The following KIF4A variants were observed in gnomAD, a reference collection of about 807,000 sequenced individuals.
KIF4A encodes the protein kinesin family member 4A.
KIF4A carries 7 observed loss-of-function variants against 105.9 expected under a neutral mutation model. The ratio of observed to expected loss-of-function variants is 0.07; its 90% CI spans 0.04 to 0.12. The LOEUF (loss-of-function observed/expected upper bound fraction) is 0.12. KIF4A is among the 10% of genes least tolerant of loss of function. KIF4A has a pLI of 1.00. For missense variants in KIF4A, 558 were observed against 929.2 expected, an observed-to-expected ratio of 0.60 and a Z score of 5.19; for synonymous variants, 281 against 331.3, an observed-to-expected ratio of 0.85 and a Z score of 1.65.
intron 15 of KIF4A, among the ~76,000 whole-genome samples, chrX:70,364,087 G>C (rs2061046782): frequency 8.9e-6 from 1 of 112,012 alleles, no homozygotes; most frequent in African/African-American, 3.2e-5. Flanking sequence ...TGATGGGGTT[G>C]TTTGTTTTTT....
chrX:70,335,125 A>G (rs144716766), intron 10 of KIF4A, among the ~76,000 whole-genome samples: 6 of 112,618 alleles, frequency 5.3e-5, no homozygotes, highest in African/African-American at 1.9e-4. Context: ...CACTATAGTT[A>G]AGAGGTAGAA....
In KIF4A at chrX:70,392,164, T is replaced by C. The variant is rs755862397; in HGVS notation, c.2233-3507T>C. 1.0e-3 allele frequency among the ~76,000 whole-genome samples: 116 copies of C among 111,946 alleles called. 1 individual carries two copies. The highest frequency in any genetic ancestry group is 3.0e-3 in the Admixed American group (32 of 10,493). ...TCTGGTTTTGATATCAAGGTAATAC[T>C]GGCCTCAGAAAGAGCTGGGAAGTGT... On this transcript the variant is annotated intron_variant, in intron 20 of 30. Coordinates refer to ENST00000374403, the MANE Select transcript of KIF4A (RefSeq NM_012310.5).
intron 6 of KIF4A, 77 bp from the exon 7 acceptor site, chrX:70,302,227 T>C (rs1259663196): frequency 2.6e-6 from 3 of 1,135,502 alleles, no homozygotes; most frequent in Non-Finnish European, 3.6e-6. Context: ...AAATGAGAGC[T>C]GACAGGTCAG....
intron 13 of KIF4A, among the ~76,000 whole-genome samples, chrX:70,349,247 C>T (rs2086010957): frequency 1.1e-5 from 1 of 89,979 alleles, no homozygotes; most frequent in African/African-American, 4.4e-5. Flanking sequence ...GGCGGCCGGG[C>T]AGAGGCACTC....
intron 28 of KIF4A, among the ~76,000 whole-genome samples, chrX:70,416,414 G>A (rs1192212451): frequency 1.0e-5 from 1 of 96,274 alleles, no homozygotes; most frequent in Admixed American, 1.2e-4. Context: ...GTGCAGTGGC[G>A]CGATCTCAGC....
intron 7 of KIF4A, among the ~76,000 whole-genome samples, chrX:70,303,747 T>C (rs1419527190): frequency 1.8e-5 from 2 of 110,434 alleles, no homozygotes; most frequent in Non-Finnish European, 3.8e-5. Flanking sequence ...CTATTTAAAC[T>C]GTACATATCA....
rs1569256395 is a variant in KIF4A, at chrX:70,420,161, G to A, written c.3595G>A (p.Glu1199Lys). ...DLPELKHVAT[E>K]YQENKAPGKK... Reference sequence around the variant, plus strand: ...CCCAGAGTTGAAACATGTAGCAACAGAATACCAAGAAAACAAGGCTCCAGG... The same window carrying A: ...CCCAGAGTTGAAACATGTAGCAACAAAATACCAAGAAAACAAGGCTCCAGG... The change falls in exon 31 of 31, where the codon GAA becomes AAA. Residue 1199 changes from glutamate to lysine, a missense_variant. Glu to Lys is a moderately conservative substitution (Grantham distance 56). Transcript: ENST00000374403. The A allele has an allele frequency of 4.1e-6, 5 of 1,211,039 alleles. No individual in the cohort carries two copies. The highest frequency in any genetic ancestry group is 5.6e-6 in the Non-Finnish European group (5 of 895,315).
At chrX:70,395,368 A>AT (rs1289438580) in intron 20 of KIF4A, among the ~76,000 whole-genome samples, 1 of 112,440 alleles carries the variant, frequency 8.9e-6, no homozygotes, top group African/African-American at 3.2e-5. Flanking sequence ...AAAATATTCA[A>AT]TTTTTTATTA....
At chrX:70,351,141 T>C (rs1281560091) in intron 13 of KIF4A, among the ~76,000 whole-genome samples, 1 of 112,401 alleles carries the variant, frequency 8.9e-6, no homozygotes, top group African/African-American at 3.2e-5. Context: ...GTTCTTTTTT[T>C]CCCTTTTTTC....
intron 18 of KIF4A, among the ~76,000 whole-genome samples, chrX:70,382,304 G>C (rs1317581207): frequency 2.7e-5 from 3 of 111,646 alleles, no homozygotes; most frequent in Non-Finnish European, 5.6e-5. Context: ...GGTCGTACAT[G>C]CCTGTAATCC....
At chrX:70,384,843 G>C (rs966803473) in intron 18 of KIF4A, among the ~76,000 whole-genome samples, 1 of 104,411 alleles carries the variant, frequency 9.6e-6, no homozygotes, top group Non-Finnish European at 2.0e-5. Context: ...TTTTTTTTTG[G>C]TCTCACCCTG....
At chrX:70,311,442 T>G (rs748986973) in intron 7 of KIF4A, among the ~76,000 whole-genome samples, 2 of 111,613 alleles carry the variant, frequency 1.8e-5, no homozygotes, top group South Asian at 7.5e-4. Flanking sequence ...TTTCTTCTCC[T>G]TTTTAAAAAA....
At chrX:70,396,424 C>G (rs773985799) in intron 22 of KIF4A, 100 of 120,652 alleles carry the variant, frequency 8.3e-4, no homozygotes, top group Admixed American at 7.7e-3. Context: ...ATTCAGCAAT[C>G]TTAAGAAATT....
Position 70,326,808 on chromosome X carries a change from C to A in KIF4A, c.779-2597C>A, listed in dbSNP as rs2085912746. Reference sequence around the variant, plus strand: ...TAATGTCTTAACAGGAAATCAAATCCTGTTTTGTGGTGATTTATTTCAAGA... The same window carrying A: ...TAATGTCTTAACAGGAAATCAAATCATGTTTTGTGGTGATTTATTTCAAGA... On this transcript the variant is annotated intron_variant, in intron 7 of 30. Coordinates refer to ENST00000374403, the MANE Select transcript of KIF4A (RefSeq NM_012310.5). 1.8e-5 allele frequency among the ~76,000 whole-genome samples: 2 copies of A among 111,919 alleles called. 1 individual carries two copies. The highest frequency in any genetic ancestry group is 6.5e-5 in the African/African-American group (2 of 30,780).
At chrX:70,306,220 C>CTA (rs1483659348) in intron 7 of KIF4A, among the ~76,000 whole-genome samples, 5 of 112,271 alleles carry the variant, frequency 4.5e-5, no homozygotes, top group Non-Finnish European at 5.6e-5. Flanking sequence ...TTCCTTTGAT[C>CTA]TATATGCCTT....
intron 15 of KIF4A, among the ~76,000 whole-genome samples, chrX:70,359,825 C>T (rs1245976767): frequency 6.3e-5 from 7 of 111,385 alleles, no homozygotes; most frequent in Non-Finnish European, 3.8e-5. Context: ...TTTGCCTGCC[C>T]GCTTGTCAGA....
chrX:70,389,172 C>T (rs767845000), intron 20 of KIF4A, among the ~76,000 whole-genome samples: 3 of 111,824 alleles, frequency 2.7e-5, no homozygotes, highest in African/African-American at 9.7e-5. Flanking sequence ...GGGAAGATCG[C>T]TTGAGACTGG....
At chrX:70,314,419 A>C (rs1401690393) in intron 7 of KIF4A, among the ~76,000 whole-genome samples, 3 of 112,319 alleles carry the variant, frequency 2.7e-5, no homozygotes, top group Non-Finnish European at 5.6e-5. Flanking sequence ...TTATGACAGA[A>C]TCATAGTTGA....
Position 70,353,634 on chromosome X carries a change from A to G in KIF4A, c.1501A>G (p.Ser501Gly). The G allele has an allele frequency of 2.5e-6, 3 of 1,206,916 alleles. No homozygotes were observed. The highest frequency in any genetic ancestry group is 1.7e-5 in the African/African-American group (1 of 57,645). The change falls in exon 15 of 31, where the codon AGT (serine) becomes GGT (glycine). Residue 501 changes from serine (S) to glycine (G), a missense_variant. Around this residue, in one of 2 missense-constraint regions of KIF4A, gnomAD observed 469 missense variants for 680.4 expected, o/e 0.69. Transcript: ENST00000374403. ...AVEQEAQVET[S>G]PETSRSSDAF... ...GATTTTTTTCCAGCAAGTAGAAACC[A>G]GTCCAGAGACGAGCAGGTCTTCTGA...
Sources: gnomAD v4.1 joint callset for allele counts (sites outside exome capture counted in the v4.1 genomes callset) on GRCh38, gnomAD v4.1.1 for gene constraint, gnomAD v4.1.1 regional missense constraint, MANE v1.5 for transcripts, NCBI Gene and HGNC (gene_info 2026-07-23, HGNC 2026-07-21) for gene names.